The following LRP1B variants were observed in gnomAD, a reference collection of about 807,000 sequenced individuals.
LRP1B encodes LDL receptor related protein 1B, also known as low-density lipoprotein receptor-related protein 1B.
LRP1B carries 217 observed loss-of-function variants against 556.6 expected under a neutral mutation model. The ratio of observed to expected loss-of-function variants is 0.39; its 90% CI spans 0.35 to 0.44. The LOEUF (loss-of-function observed/expected upper bound fraction) is 0.44. LRP1B is among the 20% of genes least tolerant of loss of function. The pLI is 1.00. For synonymous variants in LRP1B, 2,047 were observed against 1,865.8 expected (o/e 1.10, Z -2.50); for missense variants, 5,053 against 5,620.8 (o/e 0.90, Z 3.23).
intron 23 of LRP1B, among the ~76,000 whole-genome samples, chr2:140,890,014 G>A (rs1177618120): frequency 1.3e-5 from 2 of 151,800 alleles, no homozygotes; most frequent in Non-Finnish European, 2.9e-5. Context: ...AACCTTAAAG[G>A]CCACAAACAG....
chr2:141,219,525 C>A (rs898015036), intron 6 of LRP1B, among the ~76,000 whole-genome samples: 1 of 152,188 alleles, frequency 6.6e-6, no homozygotes, highest in Admixed American at 6.5e-5. Context: ...TGTCTGCTGG[C>A]AGTCCAGATG....
chr2:140,376,825 C>T (rs1296186090), intron 68 of LRP1B, among the ~76,000 whole-genome samples: 4 of 152,116 alleles, frequency 2.6e-5, no homozygotes, highest in Non-Finnish European at 5.9e-5. Flanking sequence ...CTGGAAGAGA[C>T]CTAGTTTGCA....
intron 2 of LRP1B, among the ~76,000 whole-genome samples, chr2:141,563,558 G>A (rs1387072009): frequency 6.6e-6 from 1 of 151,928 alleles, no homozygotes. Context: ...ATTTTAAAAT[G>A]CAAAAGATTC....
intron 20 of LRP1B, among the ~76,000 whole-genome samples, chr2:140,936,940 T>C (rs1292587309): frequency 3.3e-5 from 5 of 152,134 alleles, no homozygotes; most frequent in Admixed American, 6.6e-5. Context: ...GGCTGTGATT[T>C]TGTGACATCA....
intron 1 of LRP1B, among the ~76,000 whole-genome samples, chr2:141,950,508 T>C (rs1193263899): frequency 1.3e-5 from 2 of 152,168 alleles, no homozygotes; most frequent in Non-Finnish European, 2.9e-5. Flanking sequence ...ACATCTTCAA[T>C]TGTTTGAATT....
At chr2:141,058,759 C>T in intron 9 of LRP1B, 124 bp downstream of exon 9, 2 of 637,386 alleles carry the variant, frequency 3.1e-6, no homozygotes, top group Non-Finnish European at 4.7e-6. Flanking sequence ...AGCAGACATG[C>T]CTACTTTTGC....
At chr2:140,748,653 T>C (rs1326780446) in intron 35 of LRP1B, among the ~76,000 whole-genome samples, 1 of 119,728 alleles carries the variant, frequency 8.4e-6, no homozygotes, top group Admixed American at 1.0e-4. Flanking sequence ...CCAGATGTGA[T>C]ACCAAAAGCT....
chr2:141,582,862 G>A lies in LRP1B; in HGVS notation c.206-102329C>T, dbSNP rs188591132. ...TTTTTTTTTTTTTTTTTGAGACGGA[G>A]TTTTGCTCTGTCACCCAGGCTAGAG... On this transcript the variant is annotated intron_variant, in intron 2 of 90. Transcript: ENST00000389484. Among the ~76,000 whole-genome samples the A allele has an allele frequency of 5.5e-3, 492 of 90,056 alleles. 4 individuals are homozygous for A. Among genetic ancestry groups the A allele is most frequent in the African/African-American group, 0.02 (468 of 23,772 alleles). The allele number at this position is 90,056 out of a possible 152,430, so 59.1% of individuals were successfully genotyped here.
chr2:141,639,379 CATATATATAT>C, intron 2 of LRP1B, among the ~76,000 whole-genome samples: 1 of 73,682 alleles, frequency 1.4e-5, no homozygotes, highest in East Asian at 3.7e-4. Context: ...TATATATACA[CATATATATAT>C]ACACATATAT....
At chr2:141,475,091 G>T (rs1682647163) in intron 3 of LRP1B, among the ~76,000 whole-genome samples, 1 of 152,070 alleles carries the variant, frequency 6.6e-6, no homozygotes, top group African/African-American at 2.4e-5. Flanking sequence ...TAGCACTTGG[G>T]GGCCAGGTGT....
intron 2 of LRP1B, among the ~76,000 whole-genome samples, chr2:141,808,014 C>T (rs1045607900): frequency 6.6e-6 from 1 of 152,030 alleles, no homozygotes; most frequent in Non-Finnish European, 1.5e-5. Context: ...CTACTGACTA[C>T]ACAGGTTACT....
intron 2 of LRP1B, among the ~76,000 whole-genome samples, chr2:141,686,891 T>G (rs961401468): frequency 1.3e-5 from 2 of 151,996 alleles, no homozygotes; most frequent in Non-Finnish European, 2.9e-5. Flanking sequence ...CCCCTAGCCA[T>G]GTGATGCTCT....
At chr2:140,299,935 T>C (rs767009675) in intron 83 of LRP1B, among the ~76,000 whole-genome samples, 1 of 152,120 alleles carries the variant, frequency 6.6e-6, no homozygotes, top group Non-Finnish European at 1.5e-5. Context: ...TTGTTTCCTA[T>C]ATGTGTTTTT....
chr2:140,769,487 GT>G, intron 34 of LRP1B, 143 bp from the exon 35 acceptor site: 2 of 764,554 alleles, frequency 2.6e-6, no homozygotes, highest in African/African-American at 3.6e-5. Context: ...AAATTATTGT[GT>G]ACTACACTTC....
At chr2:141,479,571 T>C (rs1216843047) in intron 3 of LRP1B, among the ~76,000 whole-genome samples, 6 of 152,160 alleles carry the variant, frequency 3.9e-5, no homozygotes, top group Non-Finnish European at 8.8e-5. Context: ...CAATACCCTT[T>C]GTGTTACACT....
At chr2:140,275,363 T>G (rs1033077026) in intron 84 of LRP1B, among the ~76,000 whole-genome samples, 2 of 151,994 alleles carry the variant, frequency 1.3e-5, no homozygotes, top group South Asian at 2.1e-4. Context: ...TAAAGCAGTT[T>G]CTTTTGTCTT....
In LRP1B at chr2:140,864,294, G is replaced by A. The variant is rs368866828; in HGVS notation, c.4579+3296C>T. Among the ~76,000 whole-genome samples the A allele has an allele frequency of 1.6e-4, 25 of 152,162 alleles. 1 individual carries two copies. In the South Asian group the frequency reaches 3.9e-3, roughly 24 times the overall value. On this transcript the variant is annotated intron_variant, in intron 27 of 90. Transcript: ENST00000389484. ...ATAATCTAGGCGAGTAGGTAAGACA[G>A]AGTTAGGAAATGATTAATGAATAAA...
intron 2 of LRP1B, among the ~76,000 whole-genome samples, chr2:141,667,132 C>T (rs1327560635): frequency 6.6e-6 from 1 of 152,034 alleles, no homozygotes; most frequent in African/African-American, 2.4e-5. Context: ...AGCACTTAAC[C>T]CAATTTACAT....
chr2:141,012,429 G>A (rs1324693146), intron 14 of LRP1B, among the ~76,000 whole-genome samples: 1 of 151,970 alleles, frequency 6.6e-6, no homozygotes, highest in Non-Finnish European at 1.5e-5. Flanking sequence ...GGCAAACTAT[G>A]GTAGTGTGGT....
Sources: gnomAD v4.1 joint callset for allele counts (sites outside exome capture counted in the v4.1 genomes callset) on GRCh38, gnomAD v4.1.1 for gene constraint, MANE v1.5 for transcripts, NCBI Gene and HGNC (gene_info 2026-07-23, HGNC 2026-07-21) for gene names.